Variants in PPP1R12B observed in about 807,000 individuals in gnomAD.
PPP1R12B encodes myosin phosphatase target subunit 2.
In PPP1R12B, 76 loss-of-function variants were observed where a neutral mutation model predicts 126.1. The observed-to-expected ratio is 0.60, with a 90% CI of 0.50 to 0.73. The LOEUF (loss-of-function observed/expected upper bound fraction) is 0.73, where lower values mean the gene tolerates loss of function less well. PPP1R12B is among the 30% of genes least tolerant of loss of function. The probability of loss-of-function intolerance (pLI) is 0.00; values close to 1 mark genes in which losing one functional copy is unlikely to be tolerated. For synonymous variants in PPP1R12B, 356 were observed against 434.7 expected, an observed-to-expected ratio of 0.82 and a Z score of 2.25; for missense variants, 1,052 against 1,205.1, an observed-to-expected ratio of 0.87 and a Z score of 1.88.
intron 18 of PPP1R12B, among the ~76,000 whole-genome samples, chr1:202,528,783 C>T (rs1348591752): frequency 6.6e-6 from 1 of 151,272 alleles, no homozygotes; most frequent in Non-Finnish European, 1.5e-5. Flanking sequence ...TGTTTTTTAC[C>T]TACAATGAGC....
At chr1:202,521,017 A>C (rs1341023810) in intron 18 of PPP1R12B, among the ~76,000 whole-genome samples, 2 of 152,184 alleles carry the variant, frequency 1.3e-5, no homozygotes, top group Non-Finnish European at 2.9e-5. Flanking sequence ...AGCTGGGCTA[A>C]TCTAACTTAT....
At position 202,472,111 on chromosome 1, in the gene PPP1R12B, G is replaced by A; in HGVS notation, c.1851-16422G>A. ...GAGGGATGAAGGAGATCCTTTGTGA[G>A]AGGCATGTTCTCATGTGCGTAGGTC... On this transcript the variant is annotated intron_variant, in intron 13 of 23. Coordinates refer to ENST00000608999, the MANE Select transcript of PPP1R12B (RefSeq NM_002481.4). 4 of 1,555,110 alleles carry A rather than the reference G, an allele frequency of 2.6e-6. No individual in the cohort carries two copies. The South Asian group carries it at 3.4e-5, about 13-fold the overall frequency.
intron 18 of PPP1R12B, among the ~76,000 whole-genome samples, chr1:202,548,802 C>CTA (rs1351587055): frequency 2.1e-4 from 20 of 95,428 alleles, no homozygotes; most frequent in East Asian, 3.3e-4. Context: ...CTCTCTCTCT[C>CTA]TCTCTCTATA....
At position 202,405,259 on chromosome 1, in the gene PPP1R12B, T is replaced by A. The variant is rs550739013; in HGVS notation, c.292-11528T>A. On this transcript the variant is annotated intron_variant, in intron 1 of 23. Coordinates refer to ENST00000608999, the MANE Select transcript of PPP1R12B (RefSeq NM_002481.4). ...AAGCCCCTCAACTTCCTTTACCAGC[T>A]ATAGAAGTCAGCTATAGGAGCCCTG... 1.7e-3 allele frequency among the ~76,000 whole-genome samples: 252 copies of A among 152,288 alleles called. 2 individuals are homozygous for A. The highest frequency in any genetic ancestry group is 2.7e-3 in the Non-Finnish European group (187 of 68,008).
At position 202,587,316 on chromosome 1, in the gene PPP1R12B, CAA is replaced by C; in HGVS notation, c.*6757_*6758del. 1 of 152,236 alleles carries C rather than the reference CAA, an allele frequency of 6.6e-6. No homozygotes were observed. The highest frequency in any genetic ancestry group is 1.9e-4 in the East Asian group (1 of 5,182). The allele number at this position is 152,236 out of a possible 1,614,324, so 9.4% of individuals were successfully genotyped here. The stretch of plus-strand genomic sequence containing the variant: ...GAGAGGTGGTTTTCCATGAATCAGC[CAA>C]GATTCCTGTAGAAGTTGGGTATACC... On this transcript the variant is annotated 3_prime_UTR_variant, in exon 24 of 24. Transcript: ENST00000608999.
At chr1:202,567,403 C>A in intron 21 of PPP1R12B, 2 of 168,256 alleles carry the variant, frequency 1.2e-5, no homozygotes, top group Non-Finnish European at 1.2e-5. Flanking sequence ...TTGTTATTTC[C>A]TCTGGGTTGT....
intron 9 of PPP1R12B, among the ~76,000 whole-genome samples, chr1:202,436,305 T>C (rs1358314670): frequency 4.9e-4 from 75 of 152,084 alleles, no homozygotes; most frequent in African/African-American, 1.7e-3. Context: ...CACACACACA[T>C]TCTACTTTGC....
At chr1:202,527,196 C>T (rs757431962) in intron 18 of PPP1R12B, 33 of 152,146 alleles carry the variant, frequency 2.2e-4, no homozygotes, top group Admixed American at 5.2e-4. Flanking sequence ...CCAATGTCCA[C>T]CTTGACTGCA....
At chr1:202,457,847 G>A (rs1451768710) in intron 13 of PPP1R12B, among the ~76,000 whole-genome samples, 2 of 151,592 alleles carry the variant, frequency 1.3e-5, no homozygotes, top group African/African-American at 4.8e-5. Flanking sequence ...AGAAATTCAA[G>A]AAACAAACAA....
chr1:202,395,999 G>C (rs1387941273), intron 1 of PPP1R12B, among the ~76,000 whole-genome samples: 1 of 152,072 alleles, frequency 6.6e-6, no homozygotes, highest in Non-Finnish European at 1.5e-5. Flanking sequence ...CATTTCTCTG[G>C]AATGATCATT....
chr1:202,527,783 A>G (rs981745809), intron 18 of PPP1R12B, among the ~76,000 whole-genome samples: 3 of 152,188 alleles, frequency 2.0e-5, no homozygotes, highest in Admixed American at 6.5e-5. Context: ...TACTTGCCTT[A>G]CATAAACTGT....
intron 14 of PPP1R12B, among the ~76,000 whole-genome samples, chr1:202,492,851 T>C (rs1374976576): frequency 2.0e-5 from 3 of 152,160 alleles, no homozygotes; most frequent in Non-Finnish European, 4.4e-5. Context: ...CAGGCAGACA[T>C]CAGTGTTGAC....
Position 202,488,525 on chromosome 1 carries a change from C to A in PPP1R12B, c.1851-8C>A. The A allele has an allele frequency of 6.3e-7, 1 of 1,587,320 alleles. No homozygotes were observed. The highest frequency in any genetic ancestry group is 2.2e-5 in the East Asian group (1 of 44,610). On this transcript the variant is annotated splice_region_variant and splice_polypyrimidine_tract_variant and intron_variant, in intron 13 of 23. Transcript: ENST00000608999. ...CTTGCTTTTGCTATTACTTTTTTTTCTCTGCAGGTCCTATCTGACTCCTGT... is the reference window on the plus strand; with the variant it reads ...CTTGCTTTTGCTATTACTTTTTTTTATCTGCAGGTCCTATCTGACTCCTGT...
chr1:202,564,676 A>C, intron 21 of PPP1R12B, 129 bp downstream of exon 21: 2 of 635,712 alleles, frequency 3.1e-6, no homozygotes, highest in South Asian at 2.1e-5. Context: ...AATGAGATAG[A>C]AGCTTCTTAG....
intron 12 of PPP1R12B, 73 bp downstream of exon 12, chr1:202,442,645 T>G (rs555197297): frequency 7.1e-7 from 1 of 1,415,224 alleles, no homozygotes; most frequent in South Asian, 1.5e-5. Flanking sequence ...ATTGTATGCC[T>G]TTTTATGTCC....
Position 202,586,904 on chromosome 1 carries a change from A to T in PPP1R12B, c.*6344A>T, listed in dbSNP as rs1427283561. ...TTGGATCTAGCTTATGTGCGTTCAC[A>T]TGCACATTTGCTAGCCCAGAGCTTT... On this transcript the variant is annotated 3_prime_UTR_variant, in exon 24 of 24. Coordinates refer to ENST00000608999, the MANE Select transcript of PPP1R12B (RefSeq NM_002481.4). The T allele has an allele frequency of 1.3e-5, 2 of 152,264 alleles. No individual in the cohort carries two copies. The highest frequency in any genetic ancestry group is 4.8e-5 in the African/African-American group (2 of 41,462). The allele number at this position is 152,264 out of a possible 1,614,324, so 9.4% of individuals were successfully genotyped here.
chr1:202,526,633 A>G (rs995244299), intron 18 of PPP1R12B, among the ~76,000 whole-genome samples: 1 of 152,176 alleles, frequency 6.6e-6, no homozygotes, highest in African/African-American at 2.4e-5. Context: ...AAGGGACATC[A>G]AGAGCATGAG....
intron 1 of PPP1R12B, among the ~76,000 whole-genome samples, chr1:202,378,730 G>A (rs1571698088): frequency 1.3e-5 from 2 of 151,980 alleles, no homozygotes; most frequent in African/African-American, 2.4e-5. Flanking sequence ...CGCCCACCTC[G>A]GCTTCCCAAA....
chr1:202,420,193 T>G lies in PPP1R12B; in HGVS notation c.423-2427T>G, dbSNP rs1668570387. ...TAGGGTCCCAAGTTTTTATTTTCCT[T>G]TCACATTGCCTTCAAGTAGCTTTCA... On this transcript the variant is annotated intron_variant, in intron 2 of 23. Transcript: ENST00000608999. 1.3e-5 allele frequency among the ~76,000 whole-genome samples: 2 copies of G among 152,230 alleles called. 1 individual carries two copies. Among genetic ancestry groups the G allele is most frequent in the Admixed American group, 1.3e-4 (2 of 15,284 alleles).
Sources: gnomAD v4.1 joint callset for allele counts (sites outside exome capture counted in the v4.1 genomes callset) on GRCh38, gnomAD v4.1.1 for gene constraint, MANE v1.5 for transcripts, NCBI Gene and HGNC (gene_info 2026-07-23, HGNC 2026-07-21) for gene names.